Variants in PIK3AP1 observed in about 807,000 individuals in gnomAD.
The protein encoded by PIK3AP1 is phosphoinositide 3-kinase adapter protein 1.
In PIK3AP1, 21 loss-of-function variants were observed where a neutral mutation model predicts 88.1. That is an observed-to-expected ratio of 0.24 (90% confidence interval 0.17 to 0.34). PIK3AP1 has a LOEUF of 0.34. PIK3AP1 is among the 10% of genes least tolerant of loss of function. PIK3AP1 has a pLI of 1.00. For synonymous variants in PIK3AP1, 398 were observed against 400.0 expected, an observed-to-expected ratio of 1.00 and a Z score of 0.06; for missense variants, 828 against 1,035.7, an observed-to-expected ratio of 0.80 and a Z score of 2.75.
intron 2 of PIK3AP1, chr10:96,700,796 G>A: frequency 5.1e-6 from 5 of 985,450 alleles, no homozygotes; most frequent in Non-Finnish European, 6.0e-6. Flanking sequence ...AGTCGTCCAT[G>A]ACTTACCATC....
chr10:96,607,686 C>T (rs1366913313), intron 14 of PIK3AP1, among the ~76,000 whole-genome samples: 3 of 152,128 alleles, frequency 2.0e-5, no homozygotes, highest in African/African-American at 7.2e-5. Flanking sequence ...ATCTTGTTGC[C>T]ATATAAAAGG....
Position 96,720,312 on chromosome 10 carries a change from G to T in PIK3AP1, c.13+70C>A. On this transcript the variant is annotated intron_variant, in intron 1 of 16. Transcript: ENST00000339364. This position sits in a 1 kb window ranked among gnomAD's most constrained non-coding sequence, Gnocchi z 4.6. The stretch of plus-strand genomic sequence containing the variant: ...CGCAAACAGAAGCAAGCGGGGGAGC[G>T]CGCCTCAAGGGATGCGGGGTACGAG... The T allele has an allele frequency of 8.1e-7, 1 of 1,231,268 alleles. No individual in the cohort carries two copies. The highest frequency in any genetic ancestry group is 4.1e-5 in the South Asian group (1 of 24,118). 76.3% of individuals were successfully genotyped at this position (1,231,268 alleles called of 1,614,324 possible).
chr10:96,605,889 G>T (rs1035381599), intron 14 of PIK3AP1, among the ~76,000 whole-genome samples: 1 of 152,248 alleles, frequency 6.6e-6, no homozygotes. Context: ...TTTAAGACCA[G>T]CCTGGCCAAG....
At position 96,651,489 on chromosome 10, in the gene PIK3AP1, T is replaced by G; in HGVS notation, c.855+20A>C. On this transcript the variant is annotated intron_variant, in intron 5 of 16. Coordinates refer to ENST00000339364, the MANE Select transcript of PIK3AP1 (RefSeq NM_152309.3). ...AAATTACATGCCCAGAAATCTCAGG[T>G]TTCCTTGTAATATCCTTACCTGACA... is the stretch of plus-strand genomic sequence containing the variant. 1 of 1,614,088 alleles carries G rather than the reference T, an allele frequency of 6.2e-7. No individual in the cohort carries two copies. Among genetic ancestry groups the G allele is most frequent in the Non-Finnish European group, 8.5e-7 (1 of 1,179,984 alleles).
intron 9 of PIK3AP1, among the ~76,000 whole-genome samples, chr10:96,627,573 C>T (rs1022623675): frequency 6.6e-6 from 1 of 152,154 alleles, no homozygotes; most frequent in Non-Finnish European, 1.5e-5. Context: ...TTTCCTTCCT[C>T]TTCACTGTGA....
chr10:96,665,424 C>T (rs188023636), intron 2 of PIK3AP1, among the ~76,000 whole-genome samples: 1 of 152,348 alleles, frequency 6.6e-6, no homozygotes, highest in African/African-American at 2.4e-5. Context: ...CTCTTTCACA[C>T]TCCTGTCCAG....
intron 1 of PIK3AP1, among the ~76,000 whole-genome samples, chr10:96,714,962 C>T (rs1364400122): frequency 4.0e-5 from 6 of 151,898 alleles, no homozygotes; most frequent in Non-Finnish European, 7.4e-5. Flanking sequence ...AGTGTAACTC[C>T]TTATACAGAG....
intron 2 of PIK3AP1, among the ~76,000 whole-genome samples, chr10:96,681,922 A>T (rs1259398239): frequency 6.6e-6 from 1 of 152,128 alleles, no homozygotes; most frequent in Non-Finnish European, 1.5e-5. Context: ...AGATGTGTTA[A>T]TGAAAAGTAA....
At chr10:96,686,557 A>G (rs961526506) in intron 2 of PIK3AP1, among the ~76,000 whole-genome samples, 6 of 152,182 alleles carry the variant, frequency 3.9e-5, no homozygotes, top group Non-Finnish European at 7.3e-5. Context: ...AAAAAGATAC[A>G]GATTTTCCCC....
intron 2 of PIK3AP1, among the ~76,000 whole-genome samples, chr10:96,684,390 G>A (rs1011243691): frequency 1.1e-4 from 17 of 152,206 alleles, no homozygotes; most frequent in Non-Finnish European, 1.9e-4. Flanking sequence ...CTAGTGGAAC[G>A]GCAGTGGATG....
At position 96,644,063 on chromosome 10, in the gene PIK3AP1, C is replaced by T. The variant is rs1470551561; in HGVS notation, c.1375+1410G>A. 5.3e-5 allele frequency among the ~76,000 whole-genome samples: 8 copies of T among 152,180 alleles called. No individual in the cohort carries two copies. In the East Asian group the frequency reaches 5.8e-4, roughly 11 times the overall value. ...TGGGTCTCCTGCTTCAACTCCAGTA[C>T]GTGCGTGGAGATCAGATCCACTGTT... is the stretch of plus-strand genomic sequence containing the variant. On this transcript the variant is annotated intron_variant, in intron 8 of 16. Coordinates refer to ENST00000339364, the MANE Select transcript of PIK3AP1 (RefSeq NM_152309.3).
intron 15 of PIK3AP1, chr10:96,603,709 CA>C (rs1848949539): frequency 4.3e-6 from 1 of 233,012 alleles, no homozygotes; most frequent in African/African-American, 2.8e-5. Context: ...CACACACACA[CA>C]CCACATATAT....
At chr10:96,685,802 G>A (rs775385796) in intron 2 of PIK3AP1, among the ~76,000 whole-genome samples, 1 of 152,198 alleles carries the variant, frequency 6.6e-6, no homozygotes, top group Admixed American at 6.5e-5. Flanking sequence ...ACAGGGCAGA[G>A]CATGGAGGCA....
chr10:96,680,452 C>T (rs1232668298), intron 2 of PIK3AP1, among the ~76,000 whole-genome samples: 1 of 152,100 alleles, frequency 6.6e-6, no homozygotes, highest in Non-Finnish European at 1.5e-5. Flanking sequence ...GATCCTCTCC[C>T]TCCTCCCACC....
At chr10:96,688,250 C>T (rs1160144676) in intron 2 of PIK3AP1, among the ~76,000 whole-genome samples, 4 of 152,124 alleles carry the variant, frequency 2.6e-5, no homozygotes, top group Non-Finnish European at 4.4e-5. Context: ...TGCAAAAACA[C>T]ACCACCTGAG....
intron 1 of PIK3AP1, among the ~76,000 whole-genome samples, chr10:96,710,713 T>C (rs542799799): frequency 1.3e-5 from 2 of 152,322 alleles, no homozygotes; most frequent in African/African-American, 4.8e-5. Context: ...ACTAAACTCA[T>C]TACATCTTCA....
chr10:96,695,731 C>T (rs1386043721), intron 2 of PIK3AP1, among the ~76,000 whole-genome samples: 1 of 151,346 alleles, frequency 6.6e-6, no homozygotes. Flanking sequence ...GATTGCCTCA[C>T]TTTTATGCTC....
chr10:96,605,895 C>A (rs2134185621), intron 14 of PIK3AP1, among the ~76,000 whole-genome samples: 1 of 152,238 alleles, frequency 6.6e-6, no homozygotes, highest in East Asian at 1.9e-4. Context: ...ACCAGCCTGG[C>A]CAAGATGGTG....
intron 14 of PIK3AP1, among the ~76,000 whole-genome samples, chr10:96,605,001 A>C (rs532727227): frequency 3.3e-5 from 5 of 152,298 alleles, no homozygotes; most frequent in African/African-American, 1.2e-4. Context: ...CTGGGACTAC[A>C]GGCACGTGCC....
Sources: gnomAD v4.1 joint callset for allele counts (sites outside exome capture counted in the v4.1 genomes callset) on GRCh38, gnomAD v4.1.1 for gene constraint, Gnocchi (gnomAD v3.1) non-coding constraint, MANE v1.5 for transcripts, NCBI Gene and HGNC (gene_info 2026-07-23, HGNC 2026-07-21) for gene names.